Variants in CAMTA1 observed in about 807,000 individuals in gnomAD.
The protein encoded by CAMTA1 is calmodulin binding transcription activator 1.
In CAMTA1, 27 loss-of-function variants were observed where a neutral mutation model predicts 170.9. The ratio of observed to expected loss-of-function variants is 0.16; its 90% confidence interval spans 0.12 to 0.22. The LOEUF (loss-of-function observed/expected upper bound fraction) is 0.22. Ranked by LOEUF, CAMTA1 falls within the 10% of genes least tolerant of loss-of-function variation. The pLI is 1.00. For synonymous variants in CAMTA1, 833 were observed against 891.5 expected, an observed-to-expected ratio of 0.93 and a Z score of 1.17; for missense variants, 1,619 against 2,217.2, an observed-to-expected ratio of 0.73 and a Z score of 5.42.
chr1:7,322,735 G>A (rs1678622955), intron 5 of CAMTA1, among the ~76,000 whole-genome samples: 1 of 152,198 alleles, frequency 6.6e-6, no homozygotes, highest in South Asian at 2.1e-4. Flanking sequence ...TGTTTCATCT[G>A]TACTTATGTG....
chr1:7,529,203 G>A (rs1019062073), intron 6 of CAMTA1, among the ~76,000 whole-genome samples: 5 of 152,206 alleles, frequency 3.3e-5, no homozygotes, highest in African/African-American at 1.2e-4. Flanking sequence ...TTGGAGTCAA[G>A]AGGACCTCAT....
intron 3 of CAMTA1, among the ~76,000 whole-genome samples, chr1:6,997,233 A>G (rs1365586830): frequency 6.6e-6 from 1 of 151,914 alleles, no homozygotes; most frequent in Non-Finnish European, 1.5e-5. Context: ...TTAAACCCTA[A>G]TAAATTCCTT....
At chr1:7,206,418 T>C (rs1383309869) in intron 4 of CAMTA1, among the ~76,000 whole-genome samples, 2 of 152,230 alleles carry the variant, frequency 1.3e-5, no homozygotes, top group East Asian at 3.8e-4. Context: ...TTATCTTTAT[T>C]GTTGCTATTA....
intron 5 of CAMTA1, among the ~76,000 whole-genome samples, chr1:7,421,575 C>CCT (rs2091560710): frequency 6.6e-6 from 1 of 152,174 alleles, no homozygotes; most frequent in Non-Finnish European, 1.5e-5. Context: ...TCTCTCTGGG[C>CCT]CTCAGTTTCT....
At position 7,561,900 on chromosome 1, in the gene CAMTA1, A is replaced by G. The variant is rs557146583; in HGVS notation, c.511-78500A>G. 1.6e-3 allele frequency among the ~76,000 whole-genome samples: 236 copies of G among 152,254 alleles called. 1 individual carries two copies. The highest frequency in any genetic ancestry group is 2.6e-3 in the Admixed American group (40 of 15,296). ...CATCCTCGAGGCAGCCTTCACCAGC[A>G]TGTGTCACCAGGCACTCCATTTCCT... On this transcript the variant is annotated intron_variant, in intron 6 of 22. Coordinates refer to ENST00000303635, the MANE Select transcript of CAMTA1 (RefSeq NM_015215.4). The surrounding 1 kb of genome is among the most constrained non-coding windows in gnomAD (Gnocchi z 5.3).
In CAMTA1 at chr1:7,685,048, TGAG is replaced by T. The variant is rs750708211; in HGVS notation, c.2914+7319_2914+7321del. 5.9e-5 allele frequency among the ~76,000 whole-genome samples: 9 copies of T among 151,742 alleles called. No individual in the cohort carries two copies. The highest frequency in any genetic ancestry group is 1.3e-4 in the Non-Finnish European group (9 of 67,920). Reference sequence around the variant, plus strand: ...TCCCGCGGTCACAGGTGGCATGTTTTGAGGAGTTCGCAGGCACCGTCCCGTGGT... The same window carrying T: ...TCCCGCGGTCACAGGTGGCATGTTTTGAGTTCGCAGGCACCGTCCCGTGGT... On this transcript the variant is annotated intron_variant, in intron 11 of 22. Transcript: ENST00000303635. This position sits in a 1 kb window ranked among gnomAD's most constrained non-coding sequence, Gnocchi z 5.7.
At chr1:7,101,959 T>C (rs878974036) in intron 4 of CAMTA1, among the ~76,000 whole-genome samples, 2 of 151,724 alleles carry the variant, frequency 1.3e-5, no homozygotes, top group South Asian at 4.1e-4. Context: ...CAACACATAA[T>C]GCATGCATGC....
chr1:6,943,490 G>A (rs1325377268), intron 3 of CAMTA1, among the ~76,000 whole-genome samples: 2 of 152,114 alleles, frequency 1.3e-5, no homozygotes, highest in South Asian at 2.1e-4. Context: ...CTCCCTCAGC[G>A]TCTTCTCAAC....
At chr1:6,951,600 C>T (rs991613131) in intron 3 of CAMTA1, among the ~76,000 whole-genome samples, 1 of 152,188 alleles carries the variant, frequency 6.6e-6, no homozygotes, top group Non-Finnish European at 1.5e-5. Flanking sequence ...AAAGCTCCAG[C>T]CCCCACAGAC....
At chr1:7,076,289 C>T (rs925998430) in intron 3 of CAMTA1, among the ~76,000 whole-genome samples, 6 of 152,190 alleles carry the variant, frequency 3.9e-5, no homozygotes, top group Non-Finnish European at 7.3e-5. Flanking sequence ...TGCTATTGCT[C>T]TGTTGTAACC....
rs1400114442 is a variant in CAMTA1, at chr1:6,858,444, TG to T, written c.234+33236del. On this transcript the variant is annotated intron_variant, in intron 3 of 22. Transcript: ENST00000303635. Reference sequence around the variant, plus strand: ...AGCATTATCCTTAAAGTGGTGTGTGTGGTGGTGGTGGTGGTGGTGGTGGTGG... The same window carrying T: ...AGCATTATCCTTAAAGTGGTGTGTGTGTGGTGGTGGTGGTGGTGGTGGTGG... Among the ~76,000 whole-genome samples, 10 of 16,584 alleles carry T rather than the reference TG, an allele frequency of 6.0e-4. No individual in the cohort carries two copies. The Admixed American group carries it at 0.011, about 18-fold the overall frequency. The allele number at this position is 16,584 out of a possible 152,430, so 10.9% of individuals were successfully genotyped here. A position where few individuals can be genotyped will look rare whatever the true frequency, so the allele number is the denominator to read the frequency against.
Position 7,014,376 on chromosome 1 carries a change from G to C in CAMTA1, c.235-76928G>C, listed in dbSNP as rs933855265. On this transcript the variant is annotated intron_variant, in intron 3 of 22. Transcript: ENST00000303635. The surrounding 1 kb of genome is among the most constrained non-coding windows in gnomAD (Gnocchi z 4.2). ...TATAAACAGCCCAGGAGTCCTGAGG[G>C]GGTTGGAGAGTTGGTCAACCGTGAA... 15 of 152,312 alleles carry C rather than the reference G, an allele frequency of 9.8e-5. No homozygotes were observed. Among genetic ancestry groups the C allele is most frequent in the African/African-American group, 3.4e-4 (14 of 41,464 alleles). The allele number at this position is 152,312 out of a possible 1,614,324, so 9.4% of individuals were successfully genotyped here. A position where few individuals can be genotyped will look rare whatever the true frequency, so the allele number is the denominator to read the frequency against.
chr1:7,091,878 G>A (rs190994853), intron 4 of CAMTA1, among the ~76,000 whole-genome samples: 5 of 152,270 alleles, frequency 3.3e-5, no homozygotes, highest in Middle Eastern at 3.4e-3. Context: ...GCTAACTGCC[G>A]CAAACACTTA....
chr1:7,517,308 G>A (rs1334016516), intron 6 of CAMTA1, among the ~76,000 whole-genome samples: 1 of 152,138 alleles, frequency 6.6e-6, no homozygotes, highest in Non-Finnish European at 1.5e-5. Flanking sequence ...CCCTAGAGAT[G>A]GGATTGCTGG....
At chr1:7,073,425 C>CGTTTAAAGTTCTGA (rs1553236419) in intron 3 of CAMTA1, among the ~76,000 whole-genome samples, 3 of 151,888 alleles carry the variant, frequency 2.0e-5, no homozygotes, top group African/African-American at 7.3e-5. Context: ...GCAGAGATGA[C>CGTTTAAAGTTCTGA]GTTTAAAGTT....
At chr1:6,842,557 A>G (rs1300186555) in intron 3 of CAMTA1, among the ~76,000 whole-genome samples, 1 of 152,236 alleles carries the variant, frequency 6.6e-6, no homozygotes, top group Non-Finnish European at 1.5e-5. Context: ...GCTAAGAACT[A>G]CAGCCTTAAA....
At chr1:7,644,931 C>T (rs2095792860) in intron 7 of CAMTA1, among the ~76,000 whole-genome samples, 1 of 152,240 alleles carries the variant, frequency 6.6e-6, no homozygotes, top group Non-Finnish European at 1.5e-5. Context: ...TTGCCCATCT[C>T]AGTCCAAGGC....
intron 6 of CAMTA1, among the ~76,000 whole-genome samples, chr1:7,480,222 T>TAC (rs2093498188): frequency 4.2e-5 from 6 of 142,232 alleles, no homozygotes; most frequent in Admixed American, 1.4e-4. Flanking sequence ...TGTGTGTACG[T>TAC]GTGTGTGAGT....
chr1:7,730,211 A>C (rs2149890069), intron 11 of CAMTA1, among the ~76,000 whole-genome samples: 1 of 152,282 alleles, frequency 6.6e-6, no homozygotes. Flanking sequence ...TCTAAGTTCA[A>C]AGCTACACAG....
Sources: gnomAD v4.1 joint callset for allele counts (sites outside exome capture counted in the v4.1 genomes callset) on GRCh38, gnomAD v4.1.1 for gene constraint, Gnocchi (gnomAD v3.1) non-coding constraint, MANE v1.5 for transcripts, NCBI Gene and HGNC (gene_info 2026-07-23, HGNC 2026-07-21) for gene names.